Variants in IGSF23 observed in about 807,000 individuals in gnomAD.
IGSF23 encodes immunoglobulin superfamily, member 23.
IGSF23 carries 14 observed loss-of-function variants against 17.8 expected under a neutral mutation model. The observed-to-expected ratio is 0.79, with a 90% CI of 0.52 to 1.23. The LOEUF is 1.23. Among genes scored for constraint, IGSF23 ranks in the 50% most tolerant of loss-of-function variants. The probability of loss-of-function intolerance (pLI) is 0.00; values close to 1 mark genes in which losing one functional copy is unlikely to be tolerated. For missense variants in IGSF23, 214 were observed against 241.7 expected (o/e 0.89, Z 0.76); for synonymous variants, 85 against 92.5 (o/e 0.92, Z 0.46).
At chr19:44,633,076 C>T (rs1972804518) in intron 3 of IGSF23, among the ~76,000 whole-genome samples, 1 of 152,232 alleles carries the variant, frequency 6.6e-6, no homozygotes. Context: ...AGAAGCTGTA[C>T]TATTACTAGA....
intron 1 of IGSF23, among the ~76,000 whole-genome samples, chr19:44,620,208 G>A (rs1239619463): frequency 6.6e-6 from 1 of 152,026 alleles, no homozygotes; most frequent in Non-Finnish European, 1.5e-5. Flanking sequence ...GTCGGAGGTT[G>A]CAATGAGCCA....
chr19:44,617,166 C>A (rs1165883115), intron 1 of IGSF23, among the ~76,000 whole-genome samples: 1 of 130,994 alleles, frequency 7.6e-6, no homozygotes, highest in Non-Finnish European at 1.6e-5. Flanking sequence ...CCTCCCCCCG[C>A]CCCCGCAAAG....
intron 1 of IGSF23, among the ~76,000 whole-genome samples, chr19:44,621,508 C>T (rs983643753): frequency 1.3e-5 from 2 of 150,620 alleles, no homozygotes; most frequent in African/African-American, 2.4e-5. Flanking sequence ...GATGTAGTGG[C>T]GCACGCCTGT....
chr19:44,636,297 T>G (rs1201380667), intron 4 of IGSF23, 122 bp from the exon 5 acceptor site: 1 of 152,160 alleles, frequency 6.6e-6, no homozygotes, highest in Non-Finnish European at 1.5e-5. Flanking sequence ...CGAAGAAATG[T>G]GGAAGTACAC....
At position 44,613,727 on chromosome 19, in the gene IGSF23, C is replaced by T; in HGVS notation, c.82C>T (p.Leu28=). The change falls in exon 1 of 5, where the codon CTA becomes TTA. Residue 28 remains leucine (L), a synonymous_variant. Coordinates refer to ENST00000402988, the MANE Select transcript of IGSF23 (RefSeq NM_001205280.2). The part of the protein sequence containing the change: ...SPPTTTTDPM[L]EKDAAGGDFP... ...ACCCACCACCACCACTGACCCGATGCTAGAGAAGGATGCGGCTGGAGGTGA... is the reference window on the plus strand; with the variant it reads ...ACCCACCACCACCACTGACCCGATGTTAGAGAAGGATGCGGCTGGAGGTGA... 2 of 1,550,570 alleles carry T rather than the reference C, an allele frequency of 1.3e-6. No homozygotes were observed. The highest frequency in any genetic ancestry group is 1.7e-6 in the Non-Finnish European group (2 of 1,146,982).
intron 1 of IGSF23, among the ~76,000 whole-genome samples, chr19:44,614,320 A>C (rs1384545519): frequency 6.6e-6 from 1 of 152,222 alleles, no homozygotes; most frequent in East Asian, 1.9e-4. Flanking sequence ...TGCAATCCGC[A>C]ACTTAGTAAT....
At chr19:44,628,826 G>A (rs1046747079) in intron 3 of IGSF23, among the ~76,000 whole-genome samples, 1 of 152,188 alleles carries the variant, frequency 6.6e-6, no homozygotes, top group Non-Finnish European at 1.5e-5. Context: ...GTGAGGCTGG[G>A]AAGCAGGACA....
chr19:44,618,311 C>CAGCCT (rs1445690688), intron 1 of IGSF23: 1 of 391,826 alleles, frequency 2.6e-6, no homozygotes, highest in Non-Finnish European at 5.1e-6. Context: ...GAACCCAAGG[C>CAGCCT]AGCCTGGTCA....
intron 4 of IGSF23, among the ~76,000 whole-genome samples, 193 bp downstream of exon 4, chr19:44,635,658 C>T (rs1972874570): frequency 1.3e-5 from 2 of 152,168 alleles, no homozygotes; most frequent in South Asian, 2.1e-4. Flanking sequence ...ATCTGCCCAG[C>T]TCATCAAATT....
At chr19:44,615,475 T>C (rs1972351791) in intron 1 of IGSF23, among the ~76,000 whole-genome samples, 1 of 150,910 alleles carries the variant, frequency 6.6e-6, no homozygotes. Flanking sequence ...AACAGAAAAT[T>C]AGCTGGGCGT....
At chr19:44,618,673 G>C (rs528221494) in intron 1 of IGSF23, among the ~76,000 whole-genome samples, 2 of 152,144 alleles carry the variant, frequency 1.3e-5, no homozygotes, top group African/African-American at 2.4e-5. Context: ...GGAGTGATGG[G>C]GATGAGTGGG....
chr19:44,623,240 T>C (rs1042257530), intron 1 of IGSF23, among the ~76,000 whole-genome samples: 4 of 151,978 alleles, frequency 2.6e-5, no homozygotes, highest in Non-Finnish European at 5.9e-5. Context: ...AGGCAGGAAA[T>C]AATAAAAGCT....
At chr19:44,633,599 T>C (rs1313017066) in intron 3 of IGSF23, among the ~76,000 whole-genome samples, 4 of 152,218 alleles carry the variant, frequency 2.6e-5, no homozygotes, top group African/African-American at 9.6e-5. Context: ...TACTTTGATA[T>C]ACTTCAGGGG....
intron 2 of IGSF23, among the ~76,000 whole-genome samples, chr19:44,626,660 G>C (rs1287658454): frequency 1.3e-5 from 2 of 152,208 alleles, no homozygotes; most frequent in Non-Finnish European, 2.9e-5. Context: ...CACTTTGGGA[G>C]GTTGAGGCGG....
At chr19:44,635,305 TATTA>T in intron 3 of IGSF23, 92 bp from the exon 4 acceptor site, 1 of 959,862 alleles carries the variant, frequency 1.0e-6, no homozygotes, top group Non-Finnish European at 1.6e-6. Context: ...TAGGACTACA[TATTA>T]ATTTGGGGAA....
intron 1 of IGSF23, among the ~76,000 whole-genome samples, chr19:44,615,937 G>C (rs1019330037): frequency 3.3e-5 from 5 of 152,150 alleles, no homozygotes; most frequent in African/African-American, 1.2e-4. Context: ...TTTGGAAATT[G>C]GCTGTGCCAC....
chr19:44,619,416 C>A (rs992348817), intron 1 of IGSF23, among the ~76,000 whole-genome samples: 1 of 152,144 alleles, frequency 6.6e-6, no homozygotes, highest in Non-Finnish European at 1.5e-5. Context: ...CTGGTAGCAG[C>A]CTTCAACCTC....
chr19:44,634,830 AC>A (rs1241823758), intron 3 of IGSF23, among the ~76,000 whole-genome samples: 4 of 144,506 alleles, frequency 2.8e-5, no homozygotes, highest in Non-Finnish European at 3.0e-5. Flanking sequence ...AAAAAAAAAA[AC>A]CCAGGGATGT....
chr19:44,627,867 C>A (rs1972688838), intron 3 of IGSF23, among the ~76,000 whole-genome samples: 1 of 152,040 alleles, frequency 6.6e-6, no homozygotes, highest in African/African-American at 2.4e-5. Context: ...GTTTGCCCAT[C>A]TGCAAAATGG....
Sources: gnomAD v4.1 joint callset for allele counts (sites outside exome capture counted in the v4.1 genomes callset) on GRCh38, gnomAD v4.1.1 for gene constraint, MANE v1.5 for transcripts, NCBI Gene and HGNC (gene_info 2026-07-23, HGNC 2026-07-21) for gene names.